CEP41: variants seen among roughly 807,000 people sequenced by gnomAD.
The protein encoded by CEP41 is centrosomal protein 41.
A neutral mutation model predicts 44.3 loss-of-function variants in CEP41; 32 were observed. The observed-to-expected ratio is 0.72, with a 90% CI of 0.54 to 0.97. The LOEUF is 0.97. Among genes scored for constraint, CEP41 ranks in the 50% least tolerant of loss-of-function variants. The probability of loss-of-function intolerance (pLI) is 0.00; values close to 1 mark genes in which losing one functional copy is unlikely to be tolerated. For synonymous variants in CEP41, 151 were observed against 168.5 expected (o/e 0.90, Z 0.80); for missense variants, 432 against 455.2 (o/e 0.95, Z 0.46).
At chr7:130,414,086 G>C (rs1216657464) in intron 3 of CEP41, among the ~76,000 whole-genome samples, 1 of 152,180 alleles carries the variant, frequency 6.6e-6, no homozygotes. Flanking sequence ...TTAAGACTCA[G>C]AGTCGGGAAA....
At position 130,400,271 on chromosome 7, in the gene CEP41, A is replaced by G; in HGVS notation, c.758-17T>C. On this transcript the variant is annotated splice_polypyrimidine_tract_variant and intron_variant, in intron 9 of 10. Transcript: ENST00000223208. ...CTTTTAGACCTAGGTTTGGAAAATC[A>G]TCAGAAAAAGCTGCATTAATATGGC... 1 of 1,593,116 alleles carries G rather than the reference A, an allele frequency of 6.3e-7. No individual in the cohort carries two copies. The highest frequency in any genetic ancestry group is 8.6e-7 in the Non-Finnish European group (1 of 1,161,082).
chr7:130,422,553 G>A (rs1797539834), intron 2 of CEP41, among the ~76,000 whole-genome samples: 1 of 152,000 alleles, frequency 6.6e-6, no homozygotes, highest in African/African-American at 2.4e-5. Flanking sequence ...CTGCACACCA[G>A]GTAGAAAACT....
intron 1 of CEP41, among the ~76,000 whole-genome samples, chr7:130,432,197 G>C (rs1797842124): frequency 1.3e-5 from 2 of 152,116 alleles, no homozygotes; most frequent in African/African-American, 4.8e-5. Flanking sequence ...CAAGAAAGGA[G>C]GCATGAAAAT....
At chr7:130,401,827 T>A in intron 8 of CEP41, 54 bp downstream of exon 8, 1 of 1,223,738 alleles carries the variant, frequency 8.2e-7, no homozygotes, top group Non-Finnish European at 1.2e-6. Context: ...CATGATAACT[T>A]TGATTCTTAC....
At chr7:130,432,076 T>A (rs1252015169) in intron 1 of CEP41, among the ~76,000 whole-genome samples, 2 of 152,000 alleles carry the variant, frequency 1.3e-5, no homozygotes, top group Non-Finnish European at 2.9e-5. Flanking sequence ...CAATAGTGCC[T>A]AGGTTGGTGA....
In CEP41 at chr7:130,395,324, C is replaced by T. The variant is rs1554414044; in HGVS notation, c.*3567G>A. On this transcript the variant is annotated 3_prime_UTR_variant, in exon 11 of 11. Coordinates refer to ENST00000223208, the MANE Select transcript of CEP41 (RefSeq NM_018718.3). ...TACTCAACATGCTCACATAATTAAA[C>T]TGGTGAATTATATTCCACACATTTG... 4.4e-6 allele frequency: 2 copies of T among 453,766 alleles called. No homozygotes were observed. Among genetic ancestry groups the T allele is most frequent in the African/African-American group, 4.0e-5 (2 of 49,894 alleles). The allele number at this position is 453,766 out of a possible 1,614,324, so 28.1% of individuals were successfully genotyped here.
intron 5 of CEP41, 58 bp downstream of exon 5, chr7:130,411,064 G>T (rs2117604139): frequency 7.1e-7 from 1 of 1,403,388 alleles, no homozygotes; most frequent in South Asian, 1.2e-5. Flanking sequence ...TGTACAGGGT[G>T]AGTGTTTCAG....
intron 2 of CEP41, among the ~76,000 whole-genome samples, chr7:130,418,183 A>G (rs1294985488): frequency 6.6e-6 from 1 of 152,164 alleles, no homozygotes; most frequent in African/African-American, 2.4e-5. Context: ...TGGACCTGGA[A>G]GTTCCAAGAG....
chr7:130,406,514 G>A (rs564876847), intron 5 of CEP41, among the ~76,000 whole-genome samples: 10 of 152,252 alleles, frequency 6.6e-5, no homozygotes, highest in African/African-American at 2.2e-4. Context: ...AACCTGGGAG[G>A]TGGAGGTTGC....
At chr7:130,408,954 A>G (rs992797207) in intron 5 of CEP41, among the ~76,000 whole-genome samples, 16 of 152,216 alleles carry the variant, frequency 1.1e-4, no homozygotes, top group Non-Finnish European at 1.8e-4. Flanking sequence ...ATAATTGAAA[A>G]CAGCACAATA....
At position 130,398,930 on chromosome 7, in the gene CEP41, G is replaced by A; in HGVS notation, c.1083C>T (p.Ser361=). The change falls in exon 11 of 11, where the codon TCC becomes TCT. Residue 361 remains serine, a synonymous_variant. Transcript: ENST00000223208. ...GGPASHSNPR[S]LSSGHLQGKP... ...TGCCTTGCAGGTGACCACTGCTGAG[G>A]GAGCGGGGGTTTGAGTGGCTGGCGG... 1 of 1,614,254 alleles carries A rather than the reference G, an allele frequency of 6.2e-7. No homozygotes were observed. Among genetic ancestry groups the A allele is most frequent in the Non-Finnish European group, 8.5e-7 (1 of 1,180,042 alleles).
Position 130,400,115 on chromosome 7 carries a change from T to C in CEP41, c.897A>G (p.Lys299=). The change falls in exon 10 of 11, where the codon AAA becomes AAG. Residue 299 remains lysine (K), a synonymous_variant. Coordinates refer to ENST00000223208, the MANE Select transcript of CEP41 (RefSeq NM_018718.3). ...PKGPPLPAEN[K]WRFTPEDLKK... ...TTAAGTCTTCTGGGGTAAATCTCCA[T>C]TTATTCTCAGCTGGTAGGGGTGGCC... 2 of 1,613,848 alleles carry C rather than the reference T, an allele frequency of 1.2e-6. No homozygotes were observed. Among genetic ancestry groups the C allele is most frequent in the Non-Finnish European group, 1.7e-6 (2 of 1,179,904 alleles).
rs2117603334 is a variant in CEP41 at position 130,410,870 on chromosome 7, AAG to A, written c.277+250_277+251del. ...GAATGCTAAAAATATTTGTTGAAAA[AAG>A]TAATTAGTATATTAAACACATCTAA... On this transcript the variant is annotated intron_variant, in intron 5 of 10. Coordinates refer to ENST00000223208, the MANE Select transcript of CEP41 (RefSeq NM_018718.3). 1.6e-5 allele frequency: 9 copies of A among 555,146 alleles called. No individual in the cohort carries two copies. The East Asian group carries it at 2.8e-4, about 17-fold the overall frequency. The allele number at this position is 555,146 out of a possible 1,614,324, so 34.4% of individuals were successfully genotyped here. A position where few individuals can be genotyped will look rare whatever the true frequency, so the allele number is the denominator to read the frequency against.
At position 130,425,857 on chromosome 7, in the gene CEP41, A is replaced by G. The variant is rs77935128; in HGVS notation, c.97+2098T>C. On this transcript the variant is annotated intron_variant, in intron 2 of 10. Coordinates refer to ENST00000223208, the MANE Select transcript of CEP41 (RefSeq NM_018718.3). ...CTGATATATGCAACAACCTGGATGA[A>G]TATCTAGAAAATTATGCTAAGTGAA... 6.1e-3 allele frequency among the ~76,000 whole-genome samples: 931 copies of G among 152,368 alleles called. 24 individuals are homozygous for G. Among genetic ancestry groups the G allele is most frequent in the Admixed American group, 0.04 (608 of 15,314 alleles).
chr7:130,416,236 T>G (rs1195155799), intron 3 of CEP41, among the ~76,000 whole-genome samples: 1 of 152,252 alleles, frequency 6.6e-6, no homozygotes, highest in African/African-American at 2.4e-5. Flanking sequence ...ATTCAAGATA[T>G]GAGCAAATCC....
Position 130,395,519 on chromosome 7 carries a change from A to G in CEP41, c.*3372T>C. The G allele has an allele frequency of 4.4e-6, 2 of 454,150 alleles. No individual in the cohort carries two copies. Among genetic ancestry groups the G allele is most frequent in the South Asian group, 3.1e-5 (2 of 64,476 alleles). 28.1% of individuals were successfully genotyped at this position (454,150 alleles called of 1,614,324 possible). ...AGAAGGTGGTCATGGATTTAAATCC[A>G]GGTGGACAGAAACTAATTATTCGCT... On this transcript the variant is annotated 3_prime_UTR_variant, in exon 11 of 11. Transcript: ENST00000223208.
chr7:130,426,758 GC>G (rs1249581217), intron 2 of CEP41: 4 of 434,600 alleles, frequency 9.2e-6, no homozygotes, highest in Admixed American at 2.7e-5. Flanking sequence ...GAACAGTACG[GC>G]CTAAGAAACA....
At chr7:130,428,919 AAATAAAT>A (rs1554424426) in intron 1 of CEP41, among the ~76,000 whole-genome samples, 1 of 141,442 alleles carries the variant, frequency 7.1e-6, no homozygotes, top group East Asian at 2.0e-4. Flanking sequence ...TCAAAAAAAT[AAATAAAT>A]AAATAAATAA....
chr7:130,416,071 GC>G (rs1468208247), intron 3 of CEP41, among the ~76,000 whole-genome samples: 1 of 152,168 alleles, frequency 6.6e-6, no homozygotes, highest in Non-Finnish European at 1.5e-5. Context: ...TAAAAGGTCT[GC>G]TGTGTAAAAG....
Sources: allele counts gnomAD v4.1 joint callset (sites outside exome capture counted in the v4.1 genomes callset), GRCh38; gene constraint gnomAD v4.1.1; transcripts MANE v1.5; gene names NCBI Gene and HGNC (gene_info 2026-07-23, HGNC 2026-07-21).